The following CMIP variants were observed in gnomAD, a reference collection of about 807,000 sequenced individuals.
CMIP encodes the protein C-Maf-inducing protein.
CMIP carries 13 observed loss-of-function variants against 97.3 expected under a neutral mutation model. The ratio of observed to expected loss-of-function variants is 0.13; its 90% CI spans 0.09 to 0.21. CMIP has a LOEUF of 0.21. Ranked by LOEUF, CMIP falls within the 10% of genes least tolerant of loss-of-function variation. The probability of loss-of-function intolerance (pLI) is 1.00; values close to 1 mark genes in which losing one functional copy is unlikely to be tolerated. For synonymous variants in CMIP, 538 were observed against 436.3 expected (o/e 1.23, Z -2.91); for missense variants, 847 against 1,024.9 (o/e 0.83, Z 2.37).
intron 3 of CMIP, chr16:81,632,018 TCTTAA>T (rs1442966543): frequency 2.0e-5 from 3 of 152,156 alleles, no homozygotes; most frequent in Non-Finnish European, 4.4e-5. Flanking sequence ...CCTAAATCTC[TCTTAA>T]CTTCTTTTAA....
intron 1 of CMIP, among the ~76,000 whole-genome samples, chr16:81,491,779 T>C (rs1283311951): frequency 3.9e-5 from 6 of 152,226 alleles, no homozygotes; most frequent in Non-Finnish European, 8.8e-5. Flanking sequence ...GGATTGCTTG[T>C]ATCGATTTTC....
intron 1 of CMIP, among the ~76,000 whole-genome samples, chr16:81,454,044 C>T (rs1597444489): frequency 6.6e-6 from 1 of 152,120 alleles, no homozygotes; most frequent in South Asian, 2.1e-4. Flanking sequence ...AGCTGCTTCC[C>T]TAGAAAGGAA....
intron 1 of CMIP, chr16:81,603,372 G>A (rs113368636): frequency 6.6e-6 from 3 of 454,098 alleles, no homozygotes; most frequent in African/African-American, 2.0e-5. Flanking sequence ...GTGAGCCACC[G>A]CGCCCGGCCT....
At chr16:81,454,678 A>G (rs971572096) in intron 1 of CMIP, among the ~76,000 whole-genome samples, 5 of 152,236 alleles carry the variant, frequency 3.3e-5, no homozygotes, top group African/African-American at 7.2e-5. Context: ...GGAAAGTCAG[A>G]CATACTCTTC....
At chr16:81,705,626 G>T (rs766689581) in intron 19 of CMIP, 22 bp downstream of exon 19, 5 of 1,475,940 alleles carry the variant, frequency 3.4e-6, no homozygotes, top group Non-Finnish European at 3.7e-6. Flanking sequence ...CGGGGCAGCT[G>T]GGGGGTGAGG....
intron 10 of CMIP, among the ~76,000 whole-genome samples, chr16:81,688,436 T>G (rs1905668522): frequency 6.6e-6 from 1 of 152,214 alleles, no homozygotes; most frequent in Non-Finnish European, 1.5e-5. Flanking sequence ...CACAGAAGCC[T>G]GGATTTGACT....
In CMIP at chr16:81,693,443, C is replaced by A; in HGVS notation, c.1486C>A (p.Leu496Met). Residue 496 changes from leucine (L) to methionine (M), a missense_variant, in exon 13 of 21, where the codon CTG (leucine) becomes ATG (methionine). Leu to Met is a conservative substitution (Grantham distance 15). This residue lies in a region of CMIP where 266 missense variants were observed against 384.2 expected (regional missense o/e 0.69). Coordinates refer to ENST00000537098, the MANE Select transcript of CMIP (RefSeq NM_198390.3). ...CGGCCGCCTCGTCTCTTCCAGGGAA[C>A]TGAAGTACGTGATTCAGAGGTTCGC... ...ALAHEKFTKE[L>M]KYVIQRFAED... is the part of the protein sequence containing the mutation. 6.2e-7 allele frequency: 1 copy of A among 1,612,322 alleles called. No homozygotes were observed.
chr16:81,580,902 G>A (rs911791648), intron 1 of CMIP, among the ~76,000 whole-genome samples: 2 of 152,130 alleles, frequency 1.3e-5, no homozygotes, highest in Non-Finnish European at 2.9e-5. Context: ...ACCCCAGCAC[G>A]AAATCTCGTG....
intron 1 of CMIP, among the ~76,000 whole-genome samples, chr16:81,511,973 C>T (rs2089820333): frequency 6.6e-6 from 1 of 152,096 alleles, no homozygotes; most frequent in Admixed American, 6.5e-5. Flanking sequence ...GTAAAACGCA[C>T]ACTGGATTTT....
At chr16:81,491,599 A>C (rs62043959) in intron 1 of CMIP, among the ~76,000 whole-genome samples, 32,701 of 152,072 alleles carry the variant, frequency 0.22, 4,281 homozygotes, top group Admixed American at 0.33. Context: ...TGGAAATCCT[A>C]CCCTACCCAA....
chr16:81,553,530 C>G (rs2090701460), intron 1 of CMIP, among the ~76,000 whole-genome samples: 1 of 152,296 alleles, frequency 6.6e-6, no homozygotes, highest in South Asian at 2.1e-4. Flanking sequence ...TGTCCCGGCG[C>G]CAGCTTCGAA....
intron 1 of CMIP, among the ~76,000 whole-genome samples, chr16:81,478,848 G>C (rs1405552002): frequency 6.6e-6 from 1 of 152,294 alleles, no homozygotes; most frequent in Non-Finnish European, 1.5e-5. Context: ...GTCACACCCT[G>C]CCCTTCTTCT....
intron 7 of CMIP, among the ~76,000 whole-genome samples, chr16:81,669,503 C>T (rs1275206079): frequency 6.8e-6 from 1 of 146,096 alleles, no homozygotes; most frequent in Non-Finnish European, 1.5e-5. Flanking sequence ...CTTCCACATC[C>T]ACCTCACACC....
At position 81,547,488 on chromosome 16, in the gene CMIP, C is replaced by G. The variant is rs550873017; in HGVS notation, c.301-60079C>G. ...GTCCCAAAGCCAGTGACAACCAGTT[C>G]AGAGGAGGGCCTGGTTTGCGGGGTC... On this transcript the variant is annotated intron_variant, in intron 1 of 20. Coordinates refer to ENST00000537098, the MANE Select transcript of CMIP (RefSeq NM_198390.3). Among the ~76,000 whole-genome samples, 6 of 152,262 alleles carry G rather than the reference C, an allele frequency of 3.9e-5. No individual in the cohort carries two copies. In the South Asian group the frequency reaches 1.2e-3, roughly 32 times the overall value.
intron 1 of CMIP, among the ~76,000 whole-genome samples, chr16:81,500,552 G>A (rs1476704264): frequency 7.4e-5 from 11 of 147,878 alleles, no homozygotes; most frequent in East Asian, 4.0e-4. Context: ...GCAGTGGTGC[G>A]ATCTCCGCTC....
chr16:81,497,982 G>A (rs1191997474), intron 1 of CMIP, among the ~76,000 whole-genome samples: 2 of 152,248 alleles, frequency 1.3e-5, no homozygotes, highest in Admixed American at 6.5e-5. Flanking sequence ...TTCCTCTTCC[G>A]GGCACTAAGT....
intron 1 of CMIP, among the ~76,000 whole-genome samples, chr16:81,478,648 C>T (rs1425201461): frequency 6.6e-6 from 1 of 152,168 alleles, no homozygotes. Flanking sequence ...CCTGCAGAGC[C>T]GCAGCCACCC....
At chr16:81,684,507 T>G (rs1444379195) in intron 10 of CMIP, among the ~76,000 whole-genome samples, 1 of 152,222 alleles carries the variant, frequency 6.6e-6, no homozygotes, top group Non-Finnish European at 1.5e-5. Flanking sequence ...AGGGCTCTGG[T>G]TGAGGTGGCA....
chr16:81,500,506 T>C (rs1477273996), intron 1 of CMIP, among the ~76,000 whole-genome samples: 1 of 147,568 alleles, frequency 6.8e-6, no homozygotes, highest in East Asian at 2.0e-4. Flanking sequence ...TTTTTTTTTT[T>C]TGAGATGGAG....
Sources: allele counts gnomAD v4.1 joint callset (sites outside exome capture counted in the v4.1 genomes callset), GRCh38; gene constraint gnomAD v4.1.1; regional missense constraint gnomAD v4.1.1; transcripts MANE v1.5; gene names NCBI Gene and HGNC (gene_info 2026-07-23, HGNC 2026-07-21).